The following LRRN2 variants were observed in gnomAD, a reference collection of about 807,000 sequenced individuals.
LRRN2 encodes the protein leucine-rich repeat neuronal protein 2.
LRRN2 carries 10 observed loss-of-function variants against 35.7 expected under a neutral mutation model. That is an observed-to-expected ratio of 0.28 (90% CI 0.17 to 0.47). The LOEUF (loss-of-function observed/expected upper bound fraction) is 0.47, where lower values mean the gene tolerates loss of function less well. Among genes scored for constraint, LRRN2 ranks in the 20% least tolerant of loss-of-function variants. LRRN2 has a pLI of 0.99. For synonymous variants in LRRN2, 391 were observed against 409.6 expected (o/e 0.95, Z 0.55); for missense variants, 731 against 940.3 (o/e 0.78, Z 2.91).
At chr1:204,650,465 A>G (rs1668198605) in intron 1 of LRRN2, among the ~76,000 whole-genome samples, 1 of 152,072 alleles carries the variant, frequency 6.6e-6, no homozygotes, top group Non-Finnish European at 1.5e-5. Flanking sequence ...GGAGAGACTG[A>G]GGGTCAGGGG....
intron 1 of LRRN2, among the ~76,000 whole-genome samples, chr1:204,681,487 C>T (rs550891326): frequency 1.6e-4 from 24 of 152,216 alleles, no homozygotes; most frequent in African/African-American, 4.3e-4. Flanking sequence ...GAAACTGAGA[C>T]GAAGAGAGGT....
chr1:204,630,307 C>T (rs1173140721), intron 1 of LRRN2, among the ~76,000 whole-genome samples: 2 of 54,962 alleles, frequency 3.6e-5, no homozygotes, highest in South Asian at 6.6e-4. Context: ...AGGGAAGGGT[C>T]GGGTGGGGGT....
chr1:204,673,970 A>G (rs1422972850), intron 1 of LRRN2, among the ~76,000 whole-genome samples: 1 of 152,072 alleles, frequency 6.6e-6, no homozygotes, highest in East Asian at 1.9e-4. Flanking sequence ...TTTTGTTCTC[A>G]GGGCCCAGGA....
intron 1 of LRRN2, among the ~76,000 whole-genome samples, chr1:204,679,305 C>T (rs542761931): frequency 1.3e-5 from 2 of 152,310 alleles, no homozygotes; most frequent in Non-Finnish European, 2.9e-5. Context: ...TGTGGTCATT[C>T]CCCCTTCTGG....
intron 1 of LRRN2, among the ~76,000 whole-genome samples, chr1:204,657,341 T>TACACACACAC (rs34779515): frequency 0.027 from 3,915 of 147,002 alleles, 154 homozygotes; most frequent in African/African-American, 0.085. Flanking sequence ...TATGTATATA[T>TACACACACAC]ACACACACAC....
intron 1 of LRRN2, among the ~76,000 whole-genome samples, chr1:204,676,139 C>CGTGTGTGTGTGTGTGTGT (rs56189865): frequency 1.3e-4 from 20 of 148,968 alleles, no homozygotes; most frequent in African/African-American, 4.9e-4. Flanking sequence ...TACATGGAGC[C>CGTGTGTGTGTGTGTGTGT]GTGTGTGTGT....
At chr1:204,654,033 C>CAAAAAAAA (rs56179230) in intron 1 of LRRN2, among the ~76,000 whole-genome samples, 2 of 84,306 alleles carry the variant, frequency 2.4e-5, no homozygotes, top group Non-Finnish European at 4.7e-5. Flanking sequence ...GAGACCCTGA[C>CAAAAAAAA]AAAAAAAAAA....
Position 204,682,797 on chromosome 1 carries a change from T to C in LRRN2, c.-227+2523A>G, listed in dbSNP as rs540576540. Reference sequence around the variant, plus strand: ...TCAGAAAAGTATCCTAAGGACAGGATGACTTAAGCGGTACCTGGCATGTTA... The same window carrying C: ...TCAGAAAAGTATCCTAAGGACAGGACGACTTAAGCGGTACCTGGCATGTTA... On this transcript the variant is annotated intron_variant, in intron 1 of 1. Coordinates refer to ENST00000367177, the MANE Select transcript of LRRN2 (RefSeq NM_201630.2). 4 of 152,338 alleles carry C rather than the reference T, an allele frequency of 2.6e-5. No homozygotes were observed. The South Asian group carries it at 8.3e-4, about 32-fold the overall frequency. 9.4% of individuals were successfully genotyped at this position (152,338 alleles called of 1,614,324 possible).
chr1:204,654,892 C>CGGG (rs1668315096), intron 1 of LRRN2, among the ~76,000 whole-genome samples: 1 of 152,226 alleles, frequency 6.6e-6, no homozygotes, highest in Non-Finnish European at 1.5e-5. Flanking sequence ...CAAATCAGGA[C>CGGG]TTCCCTTCTT....
chr1:204,670,793 G>A (rs1352369375), intron 1 of LRRN2, among the ~76,000 whole-genome samples: 1 of 152,180 alleles, frequency 6.6e-6, no homozygotes, highest in African/African-American at 2.4e-5. Context: ...TTAGCAATCT[G>A]GAGAGCTGCT....
Position 204,619,324 on chromosome 1 carries a change from C to T in LRRN2, c.669G>A (p.Met223Ile). 1 of 1,614,186 alleles carries T rather than the reference C, an allele frequency of 6.2e-7. No individual in the cohort carries two copies. The highest frequency in any genetic ancestry group is 2.2e-5 in the East Asian group (1 of 44,868). Reference sequence around the variant, plus strand: ...CATAGTCGGAGATCTCCCGCAGGTTCATGCCTGCTAGCACCAGGCTACGCA... The same window carrying T: ...CATAGTCGGAGATCTCCCGCAGGTTTATGCCTGCTAGCACCAGGCTACGCA... ...ANLRSLVLAG[M>I]NLREISDYAL... Residue 223 changes from methionine (M) to isoleucine (I), a missense_variant, in exon 2 of 2, where the codon ATG becomes ATA. Transcript: ENST00000367177.
At chr1:204,679,554 A>G (rs982045581) in intron 1 of LRRN2, among the ~76,000 whole-genome samples, 1 of 152,200 alleles carries the variant, frequency 6.6e-6, no homozygotes, top group Non-Finnish European at 1.5e-5. Flanking sequence ...TTCCCTGAAG[A>G]AGCTGCCTTG....
At chr1:204,658,030 T>C (rs1055025020) in intron 1 of LRRN2, among the ~76,000 whole-genome samples, 1 of 140,482 alleles carries the variant, frequency 7.1e-6, no homozygotes, top group African/African-American at 2.7e-5. Flanking sequence ...CAGGCTGGAG[T>C]GCAATGGCGT....
At position 204,643,659 on chromosome 1, in the gene LRRN2, A is replaced by G. The variant is rs555799697; in HGVS notation, c.-226-23441T>C. Among the ~76,000 whole-genome samples the G allele has an allele frequency of 3.3e-5, 5 of 152,132 alleles. No homozygotes were observed. The East Asian group carries it at 9.7e-4, about 29-fold the overall frequency. On this transcript the variant is annotated intron_variant, in intron 1 of 1. Transcript: ENST00000367177. ...GAGGCGGTGATGGAGTGCCTTCCTC[A>G]TCGCCTCATTTTTCCCATTGTGACA...
chr1:204,638,559 T>C (rs780577204), intron 1 of LRRN2, among the ~76,000 whole-genome samples: 6 of 152,000 alleles, frequency 3.9e-5, no homozygotes, highest in East Asian at 1.9e-4. Context: ...TACAGGCATG[T>C]GCCACCACAC....
chr1:204,644,956 G>T (rs1489234257), intron 1 of LRRN2, among the ~76,000 whole-genome samples: 1 of 152,220 alleles, frequency 6.6e-6, no homozygotes, highest in African/African-American at 2.4e-5. Context: ...ATGGTTAGAG[G>T]ACTGATAGGC....
intron 1 of LRRN2, chr1:204,633,367 A>G (rs1396743360): frequency 6.6e-6 from 1 of 152,248 alleles, no homozygotes; most frequent in Non-Finnish European, 1.5e-5. Context: ...CAAAGGGGCC[A>G]TTATCCTCAT....
At chr1:204,623,770 AG>A (rs1667100574) in intron 1 of LRRN2, among the ~76,000 whole-genome samples, 2 of 152,236 alleles carry the variant, frequency 1.3e-5, no homozygotes, top group African/African-American at 4.8e-5. Flanking sequence ...TTCTTGAGGC[AG>A]GGGCCATATC....
chr1:204,626,114 ACT>A (rs1042401406), intron 1 of LRRN2, among the ~76,000 whole-genome samples: 1 of 151,702 alleles, frequency 6.6e-6, no homozygotes, highest in African/African-American at 2.4e-5. Context: ...CCCCTGGGTC[ACT>A]CTACTCGGCA....
Sources: gnomAD v4.1 joint callset for allele counts (sites outside exome capture counted in the v4.1 genomes callset) on GRCh38, gnomAD v4.1.1 for gene constraint, MANE v1.5 for transcripts, NCBI Gene and HGNC (gene_info 2026-07-23, HGNC 2026-07-21) for gene names.